ZFAT: variants seen among roughly 807,000 people sequenced by gnomAD.
ZFAT encodes the protein zinc finger protein ZFAT.
Under a neutral mutation model 117.7 loss-of-function variants are expected in ZFAT, and 64 were observed. That is an observed-to-expected ratio of 0.54 (90% confidence interval 0.44 to 0.67). The LOEUF is 0.67. ZFAT is among the 30% of genes least tolerant of loss of function. The pLI, the probability that ZFAT is intolerant of heterozygous loss-of-function variation, is 0.00. For missense variants in ZFAT, 1,433 were observed against 1,584.5 expected (o/e 0.90, Z 1.62); for synonymous variants, 679 against 615.0 (o/e 1.10, Z -1.54).
chr8:134,706,244 C>T (rs1338188553), intron 1 of ZFAT, among the ~76,000 whole-genome samples: 2 of 152,024 alleles, frequency 1.3e-5, no homozygotes, highest in Non-Finnish European at 1.5e-5. Flanking sequence ...TTCCCAATAA[C>T]GAAAAACTGG....
the ZFAT span, among the ~76,000 whole-genome samples, chr8:134,820,113 A>G: frequency 6.6e-6 from 1 of 152,220 alleles, no homozygotes; most frequent in Non-Finnish European, 1.5e-5. Context: ...TATAATCACA[A>G]TTCTGTAGAA....
chr8:134,831,619 A>C, the ZFAT span, among the ~76,000 whole-genome samples: 3 of 152,206 alleles, frequency 2.0e-5, no homozygotes, highest in Non-Finnish European at 2.9e-5. Flanking sequence ...GTTTCTTGCA[A>C]CTGCCGGATA....
At chr8:134,586,595 C>A (rs1015789647) in intron 9 of ZFAT, among the ~76,000 whole-genome samples, 1 of 152,260 alleles carries the variant, frequency 6.6e-6, no homozygotes, top group African/African-American at 2.4e-5. Context: ...CAGCTCCCTG[C>A]TGATTCCCAT....
chr8:134,767,189 A>C, the ZFAT span: 5 of 152,226 alleles, frequency 3.3e-5, no homozygotes, highest in African/African-American at 1.2e-4. Flanking sequence ...AAAAGAATAT[A>C]TATTCTGCAA....
At chr8:134,667,822 C>G (rs1832313657) in intron 1 of ZFAT, among the ~76,000 whole-genome samples, 1 of 152,100 alleles carries the variant, frequency 6.6e-6, no homozygotes, top group African/African-American at 2.4e-5. Context: ...ATCACCTCAC[C>G]CGGGAAGTAA....
At chr8:134,803,746 A>T in the ZFAT span, among the ~76,000 whole-genome samples, 1 of 152,232 alleles carries the variant, frequency 6.6e-6, no homozygotes. Context: ...AATCATTACT[A>T]AAGTACTATA....
At chr8:134,776,083 C>T in the ZFAT span, among the ~76,000 whole-genome samples, 12 of 152,148 alleles carry the variant, frequency 7.9e-5, no homozygotes, top group African/African-American at 2.7e-4. Flanking sequence ...CTTTCAATTT[C>T]CAACCTGTAA....
chr8:134,583,220 C>G (rs7006582), intron 10 of ZFAT, among the ~76,000 whole-genome samples: 1 of 151,978 alleles, frequency 6.6e-6, no homozygotes, highest in Admixed American at 6.6e-5. Context: ...TTCTAGATTA[C>G]GAACTCCTTG....
rs1814079986 is a variant in ZFAT at position 134,712,916 on chromosome 8, TC to T, written c.-54del. ...AAGCCTCGGGCTCTTCCGGGCCCCCTCCCGTGCCGACCGAGGGGGCGGGGCG... is the reference window on the plus strand; with the variant it reads ...AAGCCTCGGGCTCTTCCGGGCCCCCTCCGTGCCGACCGAGGGGGCGGGGCG... On this transcript the variant is annotated 5_prime_UTR_variant, in exon 1 of 16. Coordinates refer to ENST00000377838, the MANE Select transcript of ZFAT (RefSeq NM_020863.4). 3 of 1,371,158 alleles carry T rather than the reference TC, an allele frequency of 2.2e-6. 1 individual carries two copies. The highest frequency in any genetic ancestry group is 2.7e-5 in the South Asian group (2 of 73,348). The allele number at this position is 1,371,158 out of a possible 1,614,324, so 84.9% of individuals were successfully genotyped here.
chr8:134,756,491 A>G, the ZFAT span, among the ~76,000 whole-genome samples: 1 of 152,238 alleles, frequency 6.6e-6, no homozygotes, highest in African/African-American at 2.4e-5. Flanking sequence ...GTTCTCCAGC[A>G]CGGTGCTGTT....
chr8:134,791,573 TAG>T, the ZFAT span, among the ~76,000 whole-genome samples: 1 of 152,188 alleles, frequency 6.6e-6, no homozygotes, highest in African/African-American at 2.4e-5. Context: ...TCTGTAAGTT[TAG>T]AGTTATGGGA....
intron 2 of ZFAT, among the ~76,000 whole-genome samples, chr8:134,638,577 A>AAAAAAAAAC (rs1563711829): frequency 4.2e-5 from 6 of 142,914 alleles, no homozygotes; most frequent in African/African-American, 1.3e-4. Context: ...AAAAAAAAAA[A>AAAAAAAAAC]CATTAACCAG....
chr8:134,492,667 T>C (rs1818135750), intron 15 of ZFAT, among the ~76,000 whole-genome samples: 1 of 152,196 alleles, frequency 6.6e-6, no homozygotes, highest in Non-Finnish European at 1.5e-5. Flanking sequence ...AGTAAGGACA[T>C]TTGCTTTCAC....
chr8:134,550,310 G>GAAAAAAAA (rs10680896), intron 11 of ZFAT, among the ~76,000 whole-genome samples: 2,017 of 72,352 alleles, frequency 0.028, 224 homozygotes, highest in East Asian at 0.04. Flanking sequence ...GGTCACAACG[G>GAAAAAAAA]AAAAAAAAAA....
intron 15 of ZFAT, among the ~76,000 whole-genome samples, chr8:134,507,114 G>A (rs1307424445): frequency 2.0e-5 from 3 of 152,178 alleles, no homozygotes; most frequent in African/African-American, 7.2e-5. Context: ...TCCAACTGGT[G>A]CAACAGAGTT....
intron 15 of ZFAT, among the ~76,000 whole-genome samples, chr8:134,493,800 T>C (rs4424215): frequency 0.38 from 57,405 of 152,108 alleles, 11,955 homozygotes; most frequent in African/African-American, 0.56. Context: ...GTGCTTCACA[T>C]ATCCCCTCCA....
intron 13 of ZFAT, among the ~76,000 whole-genome samples, chr8:134,520,037 T>C (rs1399201530): frequency 6.6e-6 from 1 of 152,208 alleles, no homozygotes; most frequent in Non-Finnish European, 1.5e-5. Context: ...TTTTTTCATA[T>C]GTTGTGGATT....
chr8:134,510,058 C>T, intron 14 of ZFAT: 1 of 471,874 alleles, frequency 2.1e-6, no homozygotes, highest in Non-Finnish European at 4.2e-6. Context: ...GAACTTGAAC[C>T]CACGTGCTCT....
intron 3 of ZFAT, among the ~76,000 whole-genome samples, chr8:134,612,739 A>T (rs1001754840): frequency 6.6e-6 from 1 of 152,240 alleles, no homozygotes; most frequent in Non-Finnish European, 1.5e-5. Flanking sequence ...GAACGAATAG[A>T]TGAGATCATG....
Sources: allele counts gnomAD v4.1 joint callset (sites outside exome capture counted in the v4.1 genomes callset), GRCh38; gene constraint gnomAD v4.1.1; transcripts MANE v1.5; gene names NCBI Gene and HGNC (gene_info 2026-07-23, HGNC 2026-07-21).